ADAMTS3: variants seen among roughly 807,000 people sequenced by gnomAD.
The protein encoded by ADAMTS3 is ADAM metallopeptidase with thrombospondin type 1 motif 3.
Under a neutral mutation model 129.0 loss-of-function variants are expected in ADAMTS3, and 73 were observed. The ratio of observed to expected loss-of-function variants is 0.57; its 90% confidence interval spans 0.47 to 0.69. The LOEUF (loss-of-function observed/expected upper bound fraction) is 0.69, where lower values mean the gene tolerates loss of function less well. Ranked by LOEUF, ADAMTS3 falls within the 30% of genes least tolerant of loss-of-function variation. The pLI is 0.00. For synonymous variants in ADAMTS3, 477 were observed against 510.8 expected, an observed-to-expected ratio of 0.93 and a Z score of 0.89; for missense variants, 1,457 against 1,514.5, an observed-to-expected ratio of 0.96 and a Z score of 0.63.
At chr4:72,470,808 G>A (rs1719053821) in intron 3 of ADAMTS3, among the ~76,000 whole-genome samples, 1 of 152,000 alleles carries the variant, frequency 6.6e-6, no homozygotes, top group African/African-American at 2.4e-5. Flanking sequence ...TTATGGTAAT[G>A]ACAATAATTT....
chr4:72,394,886 C>T (rs1452322476), intron 4 of ADAMTS3, among the ~76,000 whole-genome samples: 5 of 151,156 alleles, frequency 3.3e-5, no homozygotes, highest in Non-Finnish European at 7.4e-5. Context: ...GAATAAAATC[C>T]ATTTCTCACC....
intron 18 of ADAMTS3, among the ~76,000 whole-genome samples, chr4:72,297,612 C>T (rs1718841607): frequency 6.6e-6 from 1 of 151,980 alleles, no homozygotes. Context: ...GACATTAAAT[C>T]CAGCTTAATG....
chr4:72,341,572 T>C (rs893799215), intron 4 of ADAMTS3, among the ~76,000 whole-genome samples: 1 of 152,200 alleles, frequency 6.6e-6, no homozygotes, highest in Non-Finnish European at 1.5e-5. Context: ...AATTCAGACA[T>C]GAGCTCTCAA....
rs139535524 is a variant in ADAMTS3, at chr4:72,282,563, C to T, written c.*573G>A. 3 of 152,670 alleles carry T rather than the reference C, an allele frequency of 2.0e-5. No homozygotes were observed. Among genetic ancestry groups the T allele is most frequent in the Non-Finnish European group, 2.9e-5 (2 of 68,004 alleles). 9.5% of individuals were successfully genotyped at this position (152,670 alleles called of 1,614,324 possible). A position where few individuals can be genotyped will look rare whatever the true frequency, so the allele number is the denominator to read the frequency against. ...GAATGTCAAACAAGGCAATACTCAA[C>T]GACAGGCACCTAGAACATCCAGAAA... On this transcript the variant is annotated 3_prime_UTR_variant, in exon 22 of 22. Transcript: ENST00000286657.
chr4:72,312,229 G>A, intron 13 of ADAMTS3, 62 bp downstream of exon 13: 1 of 1,586,516 alleles, frequency 6.3e-7, no homozygotes, highest in South Asian at 1.1e-5. Context: ...GGTTCGTGCT[G>A]GCAAAGCTTA....
At chr4:72,350,855 G>A (rs893634462) in intron 4 of ADAMTS3, among the ~76,000 whole-genome samples, 6 of 151,890 alleles carry the variant, frequency 4.0e-5, no homozygotes, top group Admixed American at 3.3e-4. Flanking sequence ...ATATATATGC[G>A]ATGATCCGGA....
At chr4:72,425,405 A>G (rs1722545950) in intron 3 of ADAMTS3, among the ~76,000 whole-genome samples, 1 of 152,070 alleles carries the variant, frequency 6.6e-6, no homozygotes, top group Admixed American at 6.6e-5. Flanking sequence ...ACACATGGAT[A>G]CATGTGCCAT....
chr4:72,371,220 G>C (rs1397784594), intron 4 of ADAMTS3, among the ~76,000 whole-genome samples: 1 of 152,060 alleles, frequency 6.6e-6, no homozygotes. Context: ...TGTGTTTTTA[G>C]TCACATAGTT....
chr4:72,344,031 A>G (rs1283410616), intron 4 of ADAMTS3, among the ~76,000 whole-genome samples: 1 of 152,196 alleles, frequency 6.6e-6, no homozygotes, highest in Non-Finnish European at 1.5e-5. Flanking sequence ...ATTACTGTAT[A>G]GGAATTTGCA....
intron 10 of ADAMTS3, among the ~76,000 whole-genome samples, chr4:72,317,202 A>G (rs1719421024): frequency 1.3e-5 from 2 of 152,172 alleles, no homozygotes; most frequent in Non-Finnish European, 2.9e-5. Context: ...ATTAGTACAC[A>G]TTTTTAGATG....
At chr4:72,361,668 C>T (rs1720730637) in intron 4 of ADAMTS3, among the ~76,000 whole-genome samples, 1 of 152,018 alleles carries the variant, frequency 6.6e-6, no homozygotes, top group South Asian at 2.1e-4. Context: ...GCCACCATTC[C>T]AATCCTGCAA....
chr4:72,568,260 G>C (rs2109814016), intron 1 of ADAMTS3, among the ~76,000 whole-genome samples: 1 of 152,226 alleles, frequency 6.6e-6, no homozygotes, highest in African/African-American at 2.4e-5. Context: ...AGTCAGTTCG[G>C]AGGAGAGAAA....
intron 3 of ADAMTS3, among the ~76,000 whole-genome samples, chr4:72,444,204 T>C (rs1364017013): frequency 1.3e-5 from 2 of 151,764 alleles, no homozygotes; most frequent in East Asian, 3.9e-4. Flanking sequence ...CTTCTCCTAT[T>C]CCTAGAAAAA....
intron 2 of ADAMTS3, among the ~76,000 whole-genome samples, chr4:72,550,450 T>A (rs1721618348): frequency 2.0e-5 from 3 of 152,214 alleles, no homozygotes; most frequent in Admixed American, 1.3e-4. Flanking sequence ...TTTCTGTGCA[T>A]GTTTGCTGTA....
intron 3 of ADAMTS3, among the ~76,000 whole-genome samples, chr4:72,423,497 A>G (rs962189259): frequency 2.0e-5 from 3 of 152,132 alleles, no homozygotes; most frequent in Non-Finnish European, 4.4e-5. Flanking sequence ...CAATGTTCCA[A>G]GCAAACACAT....
intron 3 of ADAMTS3, among the ~76,000 whole-genome samples, chr4:72,540,351 C>T (rs1291782647): frequency 6.6e-6 from 1 of 152,144 alleles, no homozygotes; most frequent in Non-Finnish European, 1.5e-5. Flanking sequence ...AGCAGCAAAG[C>T]ATTCAAGAGG....
chr4:72,477,815 A>T (rs1183369660), intron 3 of ADAMTS3, among the ~76,000 whole-genome samples: 1 of 152,202 alleles, frequency 6.6e-6, no homozygotes, highest in African/African-American at 2.4e-5. Flanking sequence ...AAAGAAAAAA[A>T]GTGAGAAGAA....
intron 2 of ADAMTS3, among the ~76,000 whole-genome samples, chr4:72,554,930 G>T (rs1019508882): frequency 1.3e-5 from 2 of 151,734 alleles, no homozygotes; most frequent in African/African-American, 4.9e-5. Context: ...TAATAGTATT[G>T]ACTTCATAGG....
intron 3 of ADAMTS3, among the ~76,000 whole-genome samples, chr4:72,479,845 C>T (rs1028328833): frequency 2.0e-5 from 3 of 152,132 alleles, no homozygotes; most frequent in African/African-American, 7.2e-5. Context: ...AACAAATTTA[C>T]AAGAAACAAA....
Sources: allele counts gnomAD v4.1 joint callset (sites outside exome capture counted in the v4.1 genomes callset), GRCh38; gene constraint gnomAD v4.1.1; transcripts MANE v1.5; gene names NCBI Gene and HGNC (gene_info 2026-07-23, HGNC 2026-07-21).